The following RBM20 variants were observed in gnomAD, a reference collection of about 807,000 sequenced individuals.
The protein encoded by RBM20 is RNA binding motif protein 20, also known as RNA-binding protein 20.
In RBM20, 51 loss-of-function variants were observed where a neutral mutation model predicts 110.1. The observed-to-expected ratio is 0.46, with a 90% confidence interval of 0.37 to 0.59. The LOEUF (loss-of-function observed/expected upper bound fraction) is 0.59. Ranked by LOEUF, RBM20 falls within the 20% of genes least tolerant of loss-of-function variation. The probability of loss-of-function intolerance (pLI) is 0.00; values close to 1 mark genes in which losing one functional copy is unlikely to be tolerated. For synonymous variants in RBM20, 589 were observed against 618.2 expected, an observed-to-expected ratio of 0.95 and a Z score of 0.70; for missense variants, 1,512 against 1,574.9, an observed-to-expected ratio of 0.96 and a Z score of 0.68.
intron 1 of RBM20, among the ~76,000 whole-genome samples, chr10:110,776,945 CTTGGGTGTAT>C (rs1844273058): frequency 6.6e-6 from 1 of 152,168 alleles, no homozygotes; most frequent in Non-Finnish European, 1.5e-5. Context: ...TTATTTGCTT[CTTGGGTGTAT>C]TTAGATTGTC....
intron 1 of RBM20, among the ~76,000 whole-genome samples, chr10:110,662,515 G>A (rs551692301): frequency 8.2e-4 from 125 of 152,142 alleles, no homozygotes; most frequent in Non-Finnish European, 1.5e-3. Flanking sequence ...CCAAGATTTT[G>A]GAAGGATTAA....
At chr10:110,815,868 G>A (rs1844831341) in intron 9 of RBM20, among the ~76,000 whole-genome samples, 1 of 152,152 alleles carries the variant, frequency 6.6e-6, no homozygotes, top group Non-Finnish European at 1.5e-5. Context: ...CTGGAGTGGG[G>A]TCAGTAGGGA....
At chr10:110,751,871 T>G (rs1273183373) in intron 1 of RBM20, among the ~76,000 whole-genome samples, 2 of 152,168 alleles carry the variant, frequency 1.3e-5, no homozygotes, top group Non-Finnish European at 2.9e-5. Context: ...GGCACACTTT[T>G]TTTTTCTTTC....
chr10:110,781,505 A>C lies in RBM20; in HGVS notation c.896A>C (p.Glu299Ala). 6.4e-7 allele frequency: 1 copy of C among 1,551,658 alleles called. No homozygotes were observed. Among genetic ancestry groups the C allele is most frequent in the Non-Finnish European group, 8.7e-7 (1 of 1,147,008 alleles). Residue 299 changes from glutamate to alanine, a missense_variant, in exon 2 of 14, where the codon GAG becomes GCG. Around this residue, in one of 3 missense-constraint regions of RBM20, gnomAD observed 1,149 missense variants for 1,169.4 expected, o/e 0.98. Transcript: ENST00000369519. ...CATGTGGCCAGCGGATTTCCAGCTGAGCAGGCTGGGGGCCTGAAAAGTGAG... is the reference window on the plus strand; with the variant it reads ...CATGTGGCCAGCGGATTTCCAGCTGCGCAGGCTGGGGGCCTGAAAAGTGAG... ...GSHVASGFPA[E>A]QAGGLKSEVG...
chr10:110,733,503 A>T (rs932384800), intron 1 of RBM20, among the ~76,000 whole-genome samples: 2 of 152,256 alleles, frequency 1.3e-5, no homozygotes, highest in Non-Finnish European at 2.9e-5. Context: ...CAGAGGAGGC[A>T]TGCAGTGATT....
At chr10:110,740,415 T>A (rs920479828) in intron 1 of RBM20, among the ~76,000 whole-genome samples, 1 of 152,046 alleles carries the variant, frequency 6.6e-6, no homozygotes, top group Non-Finnish European at 1.5e-5. Context: ...ACCAGCTTGG[T>A]CTGAGTGTTT....
At chr10:110,696,637 G>C (rs574184922) in intron 1 of RBM20, among the ~76,000 whole-genome samples, 1 of 152,158 alleles carries the variant, frequency 6.6e-6, no homozygotes, top group African/African-American at 2.4e-5. Context: ...CCGTGGGCTG[G>C]GGTGGAGTAG....
chr10:110,756,209 C>A (rs990906559), intron 1 of RBM20, among the ~76,000 whole-genome samples: 2 of 152,202 alleles, frequency 1.3e-5, no homozygotes, highest in East Asian at 1.9e-4. Context: ...AGAATGAATT[C>A]TTGACTGTTC....
rs1249673177 is a variant in RBM20, at chr10:110,821,607, C to T, written c.2988C>T (p.Asp996=). The change falls in exon 11 of 14, where the codon GAC becomes GAT. Residue 996 remains aspartate (D), a synonymous_variant. Coordinates refer to ENST00000369519, the MANE Select transcript of RBM20 (RefSeq NM_001134363.3). The part of the protein sequence containing the change: ...SASTSCPSDM[D]VEMPGLNLDA... ...CCACAAGCTGTCCCAGTGACATGGA[C>T]GTGGAAATGCCTGGCCTAAATCTGG... 19 of 1,551,162 alleles carry T rather than the reference C, an allele frequency of 1.2e-5. No homozygotes were observed. The highest frequency in any genetic ancestry group is 7.1e-5 in the South Asian group (6 of 84,060).
chr10:110,656,977 T>G (rs186880528), intron 1 of RBM20, among the ~76,000 whole-genome samples: 46 of 152,248 alleles, frequency 3.0e-4, no homozygotes, highest in African/African-American at 7.9e-4. Context: ...TTGGTTCTTT[T>G]GGGTATATAT....
intron 1 of RBM20, among the ~76,000 whole-genome samples, chr10:110,734,335 A>G (rs1221381463): frequency 1.3e-5 from 2 of 152,238 alleles, no homozygotes; most frequent in African/African-American, 2.4e-5. Context: ...AATCAGGTCC[A>G]CAAATACTGC....
At chr10:110,817,371 C>G (rs1480145656) in intron 9 of RBM20, among the ~76,000 whole-genome samples, 1 of 152,200 alleles carries the variant, frequency 6.6e-6, no homozygotes, top group Non-Finnish European at 1.5e-5. Context: ...AGTGTAACCC[C>G]TGGTATAACC....
intron 1 of RBM20, among the ~76,000 whole-genome samples, chr10:110,670,963 CTT>C (rs997165441): frequency 5.6e-4 from 86 of 152,288 alleles, no homozygotes; most frequent in African/African-American, 2.0e-3. Context: ...TGTAAAAAGA[CTT>C]TTCTTGCAGT....
At chr10:110,700,780 C>G (rs1862745597) in intron 1 of RBM20, among the ~76,000 whole-genome samples, 1 of 152,160 alleles carries the variant, frequency 6.6e-6, no homozygotes, top group Non-Finnish European at 1.5e-5. Context: ...CTTTGGGAGG[C>G]TGAGGCGGGC....
At chr10:110,741,784 T>C (rs1250275526) in intron 1 of RBM20, among the ~76,000 whole-genome samples, 1 of 150,544 alleles carries the variant, frequency 6.6e-6, no homozygotes, top group East Asian at 2.0e-4. Context: ...TCACCTCCTC[T>C]AGGAACCCCT....
At chr10:110,751,308 C>T (rs1029137064) in intron 1 of RBM20, among the ~76,000 whole-genome samples, 3 of 152,188 alleles carry the variant, frequency 2.0e-5, no homozygotes, top group Non-Finnish European at 4.4e-5. Context: ...TTTTAAGAGA[C>T]TGTGAGATAA....
chr10:110,830,594 C>CTT (rs5787874), intron 12 of RBM20, among the ~76,000 whole-genome samples: 1 of 151,742 alleles, frequency 6.6e-6, no homozygotes, highest in East Asian at 1.9e-4. Context: ...CTTTTATTTA[C>CTT]TTTTTTTTCT....
chr10:110,821,797 A>C lies in RBM20; in HGVS notation c.3178A>C (p.Ser1060Arg). The C allele has an allele frequency of 1.3e-6, 2 of 1,551,776 alleles. No individual in the cohort carries two copies. The highest frequency in any genetic ancestry group is 1.7e-6 in the Non-Finnish European group (2 of 1,146,996). Reference sequence around the variant, plus strand: ...AGCAGAGGAGAGGGCCCGGCAGCCAAGCCCATTTGTGGATGATTGCAAGAC... The same window carrying C: ...AGCAGAGGAGAGGGCCCGGCAGCCACGCCCATTTGTGGATGATTGCAAGAC... Reference protein sequence around the residue: ...KPAEERARQPSPFVDDCKTRG... With the variant: ...KPAEERARQPRPFVDDCKTRG... Residue 1060 changes from serine (S) to arginine (R), a missense_variant, in exon 11 of 14, where the codon AGC becomes CGC. Transcript: ENST00000369519.
At chr10:110,709,015 T>C (rs1862883633) in intron 1 of RBM20, among the ~76,000 whole-genome samples, 1 of 152,214 alleles carries the variant, frequency 6.6e-6, no homozygotes, top group African/African-American at 2.4e-5. Context: ...CTATCAATTG[T>C]AGTGTGTCTT....
Sources: gnomAD v4.1 joint callset for allele counts (sites outside exome capture counted in the v4.1 genomes callset) on GRCh38, gnomAD v4.1.1 for gene constraint, gnomAD v4.1.1 regional missense constraint, MANE v1.5 for transcripts, NCBI Gene and HGNC (gene_info 2026-07-23, HGNC 2026-07-21) for gene names.